Variants in NDUFB2 observed in about 807,000 individuals in gnomAD.
NDUFB2 encodes the protein NADH dehydrogenase [ubiquinone] 1 beta subcomplex subunit 2, mitochondrial.
A neutral mutation model predicts 13.4 loss-of-function variants in NDUFB2; 13 were observed. That is an observed-to-expected ratio of 0.97 (90% CI 0.63 to 1.54). The LOEUF (loss-of-function observed/expected upper bound fraction) is 1.54. Ranked by LOEUF, NDUFB2 falls within the 40% of genes most tolerant of loss-of-function variation. The pLI is 0.00. For missense variants in NDUFB2, 150 were observed against 139.7 expected (o/e 1.07, Z -0.37); for synonymous variants, 47 against 50.6 (o/e 0.93, Z 0.30).
Position 140,702,960 on chromosome 7 carries a change from A to G in NDUFB2, c.193A>G (p.Met65Val). 6.2e-7 allele frequency: 1 copy of G among 1,613,438 alleles called. No individual in the cohort carries two copies. The highest frequency in any genetic ancestry group is 1.1e-5 in the South Asian group (1 of 91,074). The change falls in exon 2 of 4, where the codon ATG becomes GTG. Residue 65 changes from methionine to valine, a missense_variant. Physicochemically the swap from Met to Val is conservative, Grantham distance 21 (BLOSUM62 1). Transcript: ENST00000247866. ...VFQSEFFSGL[M>V]WFWILWRFWH... The stretch of plus-strand genomic sequence containing the variant: ...CCAGAGCGAGTTCTTCAGCGGACTC[A>G]TGTGGTTCTGGATTCTCTGGCGCTT...
chr7:140,705,950 C>T (rs1794961367), intron 3 of NDUFB2, among the ~76,000 whole-genome samples: 1 of 151,968 alleles, frequency 6.6e-6, no homozygotes, highest in African/African-American at 2.4e-5. Context: ...GTTCCCTTTC[C>T]TCATAAACCC....
Position 140,702,954 on chromosome 7 carries a change from G to A in NDUFB2, c.187G>A (p.Gly63Arg), listed in dbSNP as rs376588352. Reference sequence around the variant, plus strand: ...GGTGTTCCAGAGCGAGTTCTTCAGCGGACTCATGTGGTTCTGGATTCTCTG... The same window carrying A: ...GGTGTTCCAGAGCGAGTTCTTCAGCAGACTCATGTGGTTCTGGATTCTCTG... The part of the protein sequence containing the change: ...SQVFQSEFFS[G>R]LMWFWILWRF... Residue 63 changes from glycine (G) to arginine (R), a missense_variant, in exon 2 of 4, where the codon GGA becomes AGA. By Grantham distance (125) the Gly-to-Arg change is moderately radical (BLOSUM62 -2). Coordinates refer to ENST00000247866, the MANE Select transcript of NDUFB2 (RefSeq NM_004546.3). 2.7e-5 allele frequency: 44 copies of A among 1,614,056 alleles called. No homozygotes were observed. In the East Asian group the frequency reaches 2.9e-4, roughly 11 times the overall value.
intron 1 of NDUFB2, chr7:140,698,402 A>G: frequency 1.8e-5 from 20 of 1,141,162 alleles, no homozygotes; most frequent in Non-Finnish European, 2.2e-5. Context: ...GAGAGAATGA[A>G]GTGTACATTC....
rs534193030 is a variant in NDUFB2, at chr7:140,706,580, C to A, written c.*47C>A. 1.3e-5 allele frequency: 2 copies of A among 149,422 alleles called. No individual in the cohort carries two copies. Among genetic ancestry groups the A allele is most frequent in the Admixed American group, 6.8e-5 (1 of 14,700 alleles). The allele number at this position is 149,422 out of a possible 1,614,324, so 9.3% of individuals were successfully genotyped here. ...TCCTGCAGGAGCCAGGTGAGAATTT[C>A]AAGGATTATCGACTTCATATTGCAC... On this transcript the variant is annotated 3_prime_UTR_variant, in exon 4 of 4. Transcript: ENST00000247866.
At chr7:140,702,296 A>G (rs375209141) in intron 1 of NDUFB2, among the ~76,000 whole-genome samples, 1 of 152,226 alleles carries the variant, frequency 6.6e-6, no homozygotes, top group African/African-American at 2.4e-5. Flanking sequence ...TATAACTCTT[A>G]TGGACTCTGT....
chr7:140,705,235 G>A (rs1278070762), intron 3 of NDUFB2: 1 of 211,944 alleles, frequency 4.7e-6, no homozygotes, highest in Non-Finnish European at 9.3e-6. Flanking sequence ...GAGTAGCTGG[G>A]ATTATAGGCA....
chr7:140,701,245 T>A (rs1018909154), intron 1 of NDUFB2: 1 of 152,238 alleles, frequency 6.6e-6, no homozygotes, highest in African/African-American at 2.4e-5. Flanking sequence ...CAGCTTAGGC[T>A]TTGCCATCAC....
chr7:140,703,139 T>C (rs1794919714), intron 2 of NDUFB2, 129 bp downstream of exon 2: 3 of 1,082,722 alleles, frequency 2.8e-6, no homozygotes, highest in Non-Finnish European at 4.0e-6. Flanking sequence ...ACTTTTTCCA[T>C]ATGTATATAC....
intron 3 of NDUFB2, among the ~76,000 whole-genome samples, chr7:140,705,838 T>C (rs1252469810): frequency 6.6e-6 from 1 of 152,164 alleles, no homozygotes; most frequent in African/African-American, 2.4e-5. Flanking sequence ...TATAGAACTA[T>C]ATGAAAACTA....
rs1402496959 is a variant in NDUFB2, at chr7:140,706,060, T to TATGTTATGTTTTATG, written c.*30-503_*30-502insATGTTATGTTTTATG. On this transcript the variant is annotated intron_variant, in intron 3 of 3. Transcript: ENST00000247866. ...TATGTTATGTTATGTTATGTTATGT[T>TATGTTATGTTTTATG]TTATGTTATGTTATGTTATGTTATG... The TATGTTATGTTTTATG allele has an allele frequency of 8.4e-4, 105 of 124,932 alleles. 1 individual carries two copies. Among genetic ancestry groups the TATGTTATGTTTTATG allele is most frequent in the Middle Eastern group, 4.2e-3 (1 of 236 alleles). The allele number at this position is 124,932 out of a possible 1,614,324, so 7.7% of individuals were successfully genotyped here.
chr7:140,704,741 G>T (rs553503765), intron 2 of NDUFB2, 119 bp from the exon 3 acceptor site: 12 of 643,232 alleles, frequency 1.9e-5, no homozygotes, highest in East Asian at 1.8e-4. Flanking sequence ...TTGTTCCTGT[G>T]GTCAGGGGCT....
rs1440545401 is a variant in NDUFB2, at chr7:140,696,810, C to G, written c.66C>G (p.Cys22Trp). The G allele has an allele frequency of 2.5e-6, 4 of 1,608,928 alleles. No homozygotes were observed. The highest frequency in any genetic ancestry group is 3.4e-6 in the Non-Finnish European group (4 of 1,178,050). The change falls in exon 1 of 4, where the codon TGC (cysteine) becomes TGG (tryptophan). Residue 22 changes from cysteine to tryptophan, a missense_variant. Coordinates refer to ENST00000247866, the MANE Select transcript of NDUFB2 (RefSeq NM_004546.3). ...RVGGRLFRSG[C>W]ARTAGDGGVR... ...GAGGCCGCCTTTTCAGAAGCGGCTG[C>G]GCACGGACTGCTGGAGATGGTGGAG...
chr7:140,698,216 C>T (rs767392342), intron 1 of NDUFB2: 5 of 1,351,848 alleles, frequency 3.7e-6, no homozygotes, highest in East Asian at 4.5e-5. Flanking sequence ...GAGCCATGAG[C>T]GACAGCCCTT....
chr7:140,703,096 C>T lies in NDUFB2; in HGVS notation c.243+86C>T, dbSNP rs1029507503. ...GCTTGTTTATTTTTCTGTTGTAGACCATTTTTCTGTCTGGACATCGCCCTT... is the reference window on the plus strand; with the variant it reads ...GCTTGTTTATTTTTCTGTTGTAGACTATTTTTCTGTCTGGACATCGCCCTT... On this transcript the variant is annotated intron_variant, in intron 2 of 3. Transcript: ENST00000247866. 2.3e-5 allele frequency: 35 copies of T among 1,530,518 alleles called. No individual in the cohort carries two copies. In the African/African-American group the frequency reaches 4.0e-4, roughly 17 times the overall value. 94.8% of individuals were successfully genotyped at this position (1,530,518 alleles called of 1,614,324 possible).
In NDUFB2 at chr7:140,696,962, C is replaced by A. The variant is rs1028726103; in HGVS notation, c.98+120C>A. ...GCCGCGTCCCGAGGCATGCTGGGAC[C>A]TGTAGTCCGCGTGTCTCCTGAAGCC... On this transcript the variant is annotated intron_variant, in intron 1 of 3. Transcript: ENST00000247866. The A allele has an allele frequency of 2.4e-5, 21 of 889,700 alleles. No individual in the cohort carries two copies. In the Admixed American group the frequency reaches 2.6e-4, roughly 11 times the overall value. 55.1% of individuals were successfully genotyped at this position (889,700 alleles called of 1,614,324 possible).
At chr7:140,701,667 T>C (rs1343639687) in intron 1 of NDUFB2, among the ~76,000 whole-genome samples, 1 of 151,902 alleles carries the variant, frequency 6.6e-6, no homozygotes, top group African/African-American at 2.4e-5. Flanking sequence ...GGCACGTGGC[T>C]CACGCCTGTA....
chr7:140,703,049 G>C, intron 2 of NDUFB2, 39 bp downstream of exon 2: 1 of 1,605,670 alleles, frequency 6.2e-7, no homozygotes. Context: ...TTTTTGGGTG[G>C]GGGAGGGAGG....
intron 2 of NDUFB2, among the ~76,000 whole-genome samples, chr7:140,704,274 C>A (rs1292271753): frequency 6.6e-6 from 1 of 152,194 alleles, no homozygotes; most frequent in African/African-American, 2.4e-5. Flanking sequence ...TATCCCATTT[C>A]TCTTAGAACT....
chr7:140,703,000 A>G lies in NDUFB2; in HGVS notation c.233A>G (p.Glu78Gly), dbSNP rs1379854002. ...CTCTGGCGCTTTTGGCATGACTCAG[A>G]AGAGGTGCTGGTAAGTGCAGGAGAA... ...WILWRFWHDS[E>G]EVLGHFPYPD... Residue 78 changes from glutamate (E) to glycine (G), a missense_variant, in exon 2 of 4, where the codon GAA becomes GGA. Physicochemically the swap from Glu to Gly is moderately conservative, Grantham distance 98. Coordinates refer to ENST00000247866, the MANE Select transcript of NDUFB2 (RefSeq NM_004546.3). The G allele has an allele frequency of 6.2e-7, 1 of 1,614,004 alleles. No homozygotes were observed. Among genetic ancestry groups the G allele is most frequent in the South Asian group, 1.1e-5 (1 of 91,072 alleles).
Sources: gnomAD v4.1 joint callset for allele counts (sites outside exome capture counted in the v4.1 genomes callset) on GRCh38, gnomAD v4.1.1 for gene constraint, MANE v1.5 for transcripts, NCBI Gene and HGNC (gene_info 2026-07-23, HGNC 2026-07-21) for gene names.